Variants in ANKRD44 observed in about 807,000 individuals in gnomAD.
ANKRD44 encodes the protein serine/threonine-protein phosphatase 6 regulatory ankyrin repeat subunit B.
ANKRD44 carries 35 observed loss-of-function variants against 116.0 expected under a neutral mutation model. That is an observed-to-expected ratio of 0.30 (90% CI 0.23 to 0.40). The LOEUF (loss-of-function observed/expected upper bound fraction) is 0.40, where lower values mean the gene tolerates loss of function less well. Ranked by LOEUF, ANKRD44 falls within the 10% of genes least tolerant of loss-of-function variation. The pLI, the probability that ANKRD44 is intolerant of heterozygous loss-of-function variation, is 1.00. For missense variants in ANKRD44, 1,014 were observed against 1,242.6 expected, an observed-to-expected ratio of 0.82 and a Z score of 2.77; for synonymous variants, 435 against 461.8, an observed-to-expected ratio of 0.94 and a Z score of 0.74.
rs1276582820 is a variant in ANKRD44 at position 196,986,973 on chromosome 2, A to G, written c.*2618T>C. 2 of 985,346 alleles carry G rather than the reference A, an allele frequency of 2.0e-6. No individual in the cohort carries two copies. The highest frequency in any genetic ancestry group is 1.7e-5 in the African/African-American group (1 of 57,262). The allele number at this position is 985,346 out of a possible 1,614,324, so 61.0% of individuals were successfully genotyped here. On this transcript the variant is annotated 3_prime_UTR_variant, in exon 28 of 28. Coordinates refer to ENST00000282272, the MANE Select transcript of ANKRD44 (RefSeq NM_001195144.2). ...CTGTTACAAATATGTTATGCAAAAT[A>G]TAACACTGGCACCAGATTTGTATCA...
intron 1 of ANKRD44, among the ~76,000 whole-genome samples, chr2:197,252,245 T>C (rs148712393): frequency 0.014 from 2,089 of 152,232 alleles, 59 homozygotes; most frequent in African/African-American, 0.048. Context: ...ACTCTGCCTG[T>C]TATCTATTTC....
chr2:197,147,744 T>C, intron 2 of ANKRD44: 1 of 341,518 alleles, frequency 2.9e-6, no homozygotes, highest in East Asian at 8.3e-5. Context: ...TACTAGACAA[T>C]AGTATACTAG....
At chr2:197,000,153 GTA>G (rs1379192869) in intron 23 of ANKRD44, among the ~76,000 whole-genome samples, 2 of 152,068 alleles carry the variant, frequency 1.3e-5, no homozygotes, top group Admixed American at 1.3e-4. Context: ...ACATATATGT[GTA>G]TATATGTTTG....
At chr2:197,064,680 C>T (rs1421607315) in intron 16 of ANKRD44, among the ~76,000 whole-genome samples, 4 of 152,004 alleles carry the variant, frequency 2.6e-5, no homozygotes, top group Non-Finnish European at 4.4e-5. Context: ...AGACTTTAAA[C>T]CAACAAAGAT....
chr2:197,308,031 G>A (rs936751071), intron 1 of ANKRD44, among the ~76,000 whole-genome samples: 12 of 152,068 alleles, frequency 7.9e-5, no homozygotes, highest in Non-Finnish European at 1.6e-4. Context: ...TTAGCCAGGT[G>A]TGGTGGCACA....
At chr2:196,975,950 G>A (rs1279391220) in intron 21 of ANKRD44, among the ~76,000 whole-genome samples, 1 of 151,900 alleles carries the variant, frequency 6.6e-6, no homozygotes, top group African/African-American at 2.4e-5. Context: ...TTAGCATATA[G>A]AATCCAACAA....
chr2:197,260,672 C>G lies in ANKRD44; in HGVS notation c.27+49906G>C, dbSNP rs533781227. Among the ~76,000 whole-genome samples the G allele has an allele frequency of 2.0e-5, 3 of 152,096 alleles. No homozygotes were observed. In the Middle Eastern group the frequency reaches 0.01, roughly 524 times the overall value. On this transcript the variant is annotated intron_variant, in intron 1 of 27. Transcript: ENST00000282272. ...GGAATCTCCACACTGACTTCCACAA[C>G]GGTTGAACTAGTTTACAGTCCCACC...
intron 16 of ANKRD44, among the ~76,000 whole-genome samples, chr2:197,049,507 T>C (rs1347652206): frequency 6.6e-6 from 1 of 152,150 alleles, no homozygotes; most frequent in Non-Finnish European, 1.5e-5. Flanking sequence ...AATCAGACAC[T>C]AATATTTAAG....
chr2:197,063,618 G>A (rs2077366284), intron 16 of ANKRD44, among the ~76,000 whole-genome samples: 1 of 152,122 alleles, frequency 6.6e-6, no homozygotes, highest in African/African-American at 2.4e-5. Flanking sequence ...ATGACCTGAT[G>A]GAGCTGAAAA....
chr2:197,198,254 A>G (rs779812975), intron 1 of ANKRD44, among the ~76,000 whole-genome samples: 2 of 152,076 alleles, frequency 1.3e-5, no homozygotes, highest in Non-Finnish European at 2.9e-5. Context: ...CCAAGCTAAG[A>G]AATTTGAGCT....
intron 1 of ANKRD44, among the ~76,000 whole-genome samples, chr2:197,300,483 T>C (rs1172311983): frequency 1.3e-5 from 2 of 152,202 alleles, no homozygotes; most frequent in Non-Finnish European, 2.9e-5. Context: ...AAGCATAGTC[T>C]AAACCTGCAC....
chr2:197,297,382 A>G (rs2083754612), intron 1 of ANKRD44, among the ~76,000 whole-genome samples: 1 of 152,214 alleles, frequency 6.6e-6, no homozygotes, highest in Non-Finnish European at 1.5e-5. Context: ...AACAAACTCA[A>G]ATCATATTTT....
intron 13 of ANKRD44, among the ~76,000 whole-genome samples, chr2:197,084,480 C>G (rs937834385): frequency 3.3e-5 from 5 of 152,182 alleles, no homozygotes; most frequent in Non-Finnish European, 7.3e-5. Context: ...CACTGAACTG[C>G]AAGCTCCTTG....
At chr2:197,167,436 C>T (rs1436461418) in intron 2 of ANKRD44, among the ~76,000 whole-genome samples, 6 of 152,170 alleles carry the variant, frequency 3.9e-5, no homozygotes, top group South Asian at 2.1e-4. Flanking sequence ...TTGGAATCTA[C>T]ATACCTTACA....
chr2:197,121,619 G>A (rs930489315), intron 7 of ANKRD44, 75 bp from the exon 8 acceptor site: 11 of 1,289,496 alleles, frequency 8.5e-6, no homozygotes, highest in African/African-American at 4.4e-5. Flanking sequence ...AAAGCATAAC[G>A]GCTGTGGCTA....
At chr2:196,983,299 C>T (rs73066826), downstream of ANKRD44, among the ~76,000 whole-genome samples, 12,419 of 152,118 alleles carry the variant, frequency 0.082, 540 homozygotes, top group South Asian at 0.1. Context: ...AATATAGAAA[C>T]TCCTCCCAGC....
chr2:197,222,665 A>G (rs550989885), intron 1 of ANKRD44, among the ~76,000 whole-genome samples: 1 of 152,290 alleles, frequency 6.6e-6, no homozygotes, highest in African/African-American at 2.4e-5. Context: ...GTTTGCTTTC[A>G]ACAGGTTTCT....
chr2:197,261,568 AAT>A (rs1256588908), intron 1 of ANKRD44, among the ~76,000 whole-genome samples: 2 of 129,594 alleles, frequency 1.5e-5, no homozygotes, highest in Admixed American at 7.8e-5. Context: ...AAAAAAAAAA[AAT>A]GTTTCTTTTC....
intron 16 of ANKRD44, among the ~76,000 whole-genome samples, chr2:197,027,332 A>G (rs1456010588): frequency 1.3e-5 from 2 of 152,196 alleles, no homozygotes; most frequent in Non-Finnish European, 2.9e-5. Context: ...ACTGCATTCC[A>G]GCCTGGGCAA....
Sources: gnomAD v4.1 joint callset for allele counts (sites outside exome capture counted in the v4.1 genomes callset) on GRCh38, gnomAD v4.1.1 for gene constraint, MANE v1.5 for transcripts, NCBI Gene and HGNC (gene_info 2026-07-23, HGNC 2026-07-21) for gene names.